Variants in LOC128092252 observed in about 807,000 individuals in gnomAD.
the LOC128092252 span, among the ~76,000 whole-genome samples, chr15:50,671,563 C>T: frequency 6.6e-6 from 1 of 152,022 alleles, no homozygotes; most frequent in East Asian, 1.9e-4. Flanking sequence ...CAGCACCTTG[C>T]CGTGGGAGGA....
the LOC128092252 span, among the ~76,000 whole-genome samples, chr15:50,652,923 A>C: frequency 3.9e-5 from 6 of 152,200 alleles, no homozygotes; most frequent in African/African-American, 1.4e-4. Context: ...GCACTTTGAG[A>C]GGCCAAAGTG....
At chr15:50,650,020 C>T in the LOC128092252 span, among the ~76,000 whole-genome samples, 17 of 151,458 alleles carry the variant, frequency 1.1e-4, no homozygotes, top group Middle Eastern at 3.4e-3. Context: ...CATGGTGAAC[C>T]GTCTCTACTA....
At chr15:50,684,451 G>A in the LOC128092252 span, among the ~76,000 whole-genome samples, 85 of 152,080 alleles carry the variant, frequency 5.6e-4, no homozygotes, top group Middle Eastern at 0.01. Context: ...GACCACCCTG[G>A]CCAATATGAC....
chr15:50,662,306 G>A, the LOC128092252 span, among the ~76,000 whole-genome samples: 2 of 147,922 alleles, frequency 1.4e-5, no homozygotes, highest in East Asian at 2.0e-4. Flanking sequence ...CAGCCTGGAC[G>A]ACAGAGCAAG....
the LOC128092252 span, among the ~76,000 whole-genome samples, chr15:50,681,429 C>T: frequency 3.3e-5 from 5 of 152,146 alleles, no homozygotes; most frequent in Non-Finnish European, 5.9e-5. Flanking sequence ...ACTAGGAAGA[C>T]TATCATTTCA....
the LOC128092252 span, among the ~76,000 whole-genome samples, chr15:50,662,263 G>T: frequency 6.6e-6 from 1 of 150,892 alleles, no homozygotes; most frequent in South Asian, 2.1e-4. Flanking sequence ...TGAGGCAAGA[G>T]AATGGCCTGA....
At chr15:50,664,752 T>C in the LOC128092252 span, among the ~76,000 whole-genome samples, 2 of 152,038 alleles carry the variant, frequency 1.3e-5, no homozygotes, top group Admixed American at 6.6e-5. Flanking sequence ...CTTGAGTCTG[T>C]GAGTTCAAGA....
the LOC128092252 span, among the ~76,000 whole-genome samples, chr15:50,650,628 G>T: frequency 6.6e-6 from 1 of 152,052 alleles, no homozygotes; most frequent in African/African-American, 2.4e-5. Context: ...CTGGGAGGCA[G>T]AGGTTGTGGT....
At chr15:50,678,674 T>C in the LOC128092252 span, among the ~76,000 whole-genome samples, 191 of 152,174 alleles carry the variant, frequency 1.3e-3, no homozygotes, top group African/African-American at 4.5e-3. Flanking sequence ...TATGAGAGTT[T>C]TAAAGATATT....
the LOC128092252 span, among the ~76,000 whole-genome samples, chr15:50,656,279 T>C: frequency 1.3e-5 from 2 of 151,708 alleles, no homozygotes; most frequent in Non-Finnish European, 2.9e-5. Context: ...GGGGCAAATA[T>C]GAAAGACTGT....
chr15:50,678,277 A>C, the LOC128092252 span, among the ~76,000 whole-genome samples: 282 of 149,048 alleles, frequency 1.9e-3, 3 homozygotes, highest in African/African-American at 6.6e-3. Flanking sequence ...AAACAAAAAC[A>C]AAAACCAACA....
the LOC128092252 span, among the ~76,000 whole-genome samples, chr15:50,664,188 C>T: frequency 2.6e-5 from 4 of 151,824 alleles, no homozygotes; most frequent in Admixed American, 6.6e-5. Context: ...ATCCCAGCTA[C>T]TCCGGAGGCT....
chr15:50,672,985 C>T, the LOC128092252 span, among the ~76,000 whole-genome samples: 26 of 143,634 alleles, frequency 1.8e-4, no homozygotes, highest in African/African-American at 3.1e-4. Flanking sequence ...GTGTTTTATA[C>T]GAAGTGTTAT....
chr15:50,660,180 A>C, the LOC128092252 span, among the ~76,000 whole-genome samples: 1 of 152,220 alleles, frequency 6.6e-6, no homozygotes, highest in African/African-American at 2.4e-5. Context: ...GTAAGAAATC[A>C]GAATAAATCA....
the LOC128092252 span, among the ~76,000 whole-genome samples, chr15:50,660,290 A>C: frequency 2.0e-5 from 3 of 152,318 alleles, no homozygotes; most frequent in African/African-American, 7.2e-5. Context: ...AAATTGAGGG[A>C]TATTTAAAAA....
the LOC128092252 span, among the ~76,000 whole-genome samples, chr15:50,661,318 G>A: frequency 1.3e-4 from 19 of 151,950 alleles, no homozygotes; most frequent in African/African-American, 4.6e-4. Context: ...ATGAAAAGCA[G>A]GTACATTTTG....
chr15:50,661,551 T>C, the LOC128092252 span, among the ~76,000 whole-genome samples: 1 of 151,954 alleles, frequency 6.6e-6, no homozygotes, highest in Admixed American at 6.5e-5. Context: ...TTAAGAATTT[T>C]TTAAAATGTT....
the LOC128092252 span, among the ~76,000 whole-genome samples, chr15:50,673,371 C>T: frequency 2.6e-5 from 4 of 152,118 alleles, no homozygotes; most frequent in African/African-American, 9.6e-5. Context: ...ACCCATTGCC[C>T]GACCGGTACA....
the LOC128092252 span, chr15:50,657,883 T>A: frequency 7.7e-7 from 1 of 1,296,560 alleles, no homozygotes; most frequent in Non-Finnish European, 1.1e-6. Flanking sequence ...TTAAAGTATA[T>A]AAAATACATA....
Sources: allele counts gnomAD v4.1 joint callset (sites outside exome capture counted in the v4.1 genomes callset), GRCh38; gene constraint gnomAD v4.1.1; transcripts MANE v1.5.